Variants in PLCB1 observed in about 807,000 individuals in gnomAD.
PLCB1 encodes the protein 1-phosphatidylinositol 4,5-bisphosphate phosphodiesterase beta-1.
PLCB1 carries 46 observed loss-of-function variants against 161.8 expected under a neutral mutation model. The observed-to-expected ratio is 0.28, with a 90% CI of 0.22 to 0.36. PLCB1 has a LOEUF of 0.36. Among genes scored for constraint, PLCB1 ranks in the 10% least tolerant of loss-of-function variants. The probability of loss-of-function intolerance (pLI) is 1.00; values close to 1 mark genes in which losing one functional copy is unlikely to be tolerated. For missense variants in PLCB1, 1,016 were observed against 1,472.5 expected, an observed-to-expected ratio of 0.69 and a Z score of 5.07; for synonymous variants, 517 against 503.7, an observed-to-expected ratio of 1.03 and a Z score of -0.35.
intron 2 of PLCB1, among the ~76,000 whole-genome samples, chr20:8,171,938 A>G (rs1381337186): frequency 6.6e-6 from 1 of 152,138 alleles, no homozygotes; most frequent in Non-Finnish European, 1.5e-5. Context: ...ACTGCCTCTG[A>G]GTGTTCACTT....
chr20:8,726,544 G>A (rs1044967166), intron 16 of PLCB1, among the ~76,000 whole-genome samples: 2 of 152,076 alleles, frequency 1.3e-5, no homozygotes, highest in African/African-American at 4.8e-5. Context: ...CAGGGCAGCA[G>A]GAGAGAGAAT....
chr20:8,727,573 C>CA (rs1219400886), intron 17 of PLCB1, among the ~76,000 whole-genome samples, 180 bp downstream of exon 17: 6 of 151,926 alleles, frequency 3.9e-5, no homozygotes, highest in Admixed American at 3.3e-4. Flanking sequence ...GCCTATAGAA[C>CA]AAAAAACTGG....
chr20:8,276,926 TTTCTTCTTCTTCTTCTTCTTCTTC>T lies in PLCB1; in HGVS notation c.178-94417_178-94394del, dbSNP rs752434070. On this transcript the variant is annotated intron_variant, in intron 2 of 31. Coordinates refer to ENST00000338037, the MANE Select transcript of PLCB1 (RefSeq NM_015192.4). ...TTGGGTAGCTTCTTCGTCTTCTTCT[TTTCTTCTTCTTCTTCTTCTTCTTC>T]TTCTTCTTCTTCTTCTTCTTCTTCT... 2.1e-3 allele frequency among the ~76,000 whole-genome samples: 218 copies of T among 104,816 alleles called. 1 individual carries two copies. The highest frequency in any genetic ancestry group is 4.2e-3 in the African/African-American group (116 of 27,742). The allele number at this position is 104,816 out of a possible 152,430, so 68.8% of individuals were successfully genotyped here.
intron 16 of PLCB1, among the ~76,000 whole-genome samples, chr20:8,725,612 A>G (rs553924559): frequency 1.3e-5 from 2 of 152,304 alleles, no homozygotes; most frequent in East Asian, 3.9e-4. Context: ...TTCAACTTCC[A>G]AGAGTTTATA....
chr20:8,255,017 A>C (rs1319834382), intron 2 of PLCB1, among the ~76,000 whole-genome samples: 1 of 152,098 alleles, frequency 6.6e-6, no homozygotes, highest in African/African-American at 2.4e-5. Context: ...ACCTGTGGCC[A>C]CTTGCAATGG....
At chr20:8,426,481 G>A (rs180780106) in intron 3 of PLCB1, among the ~76,000 whole-genome samples, 1 of 152,246 alleles carries the variant, frequency 6.6e-6, no homozygotes, top group Admixed American at 6.5e-5. Context: ...TTCCATTGAG[G>A]TTTCAGCTAA....
chr20:8,328,307 A>C (rs1328158089), intron 2 of PLCB1, among the ~76,000 whole-genome samples: 1 of 152,038 alleles, frequency 6.6e-6, no homozygotes, highest in South Asian at 2.1e-4. Context: ...GTCTTGCTGA[A>C]TGCCTTTATC....
In PLCB1 at chr20:8,716,289, G is replaced by C; in HGVS notation, c.1276G>C (p.Glu426Gln). 1 of 1,614,126 alleles carries C rather than the reference G, an allele frequency of 6.2e-7. No homozygotes were observed. The highest frequency in any genetic ancestry group is 8.5e-7 in the Non-Finnish European group (1 of 1,179,960). ...DSPKQQAKMA[E>Q]YCRLIFGDAL... Reference sequence around the variant, plus strand: ...CCCAAAGCAGCAAGCCAAGATGGCGGAGTACTGCCGACTGATCTTTGGGGA... The same window carrying C: ...CCCAAAGCAGCAAGCCAAGATGGCGCAGTACTGCCGACTGATCTTTGGGGA... Residue 426 changes from glutamate (E) to glutamine (Q), a missense_variant, in exon 13 of 32, where the codon GAG (glutamate) becomes CAG (glutamine). Physicochemically the swap from Glu to Gln is conservative, Grantham distance 29 (BLOSUM62 2). This residue lies in a region of PLCB1 where 56 missense variants were observed against 126.3 expected (regional missense o/e 0.44). Coordinates refer to ENST00000338037, the MANE Select transcript of PLCB1 (RefSeq NM_015192.4).
chr20:8,710,093 T>G (rs1167151370), intron 12 of PLCB1, among the ~76,000 whole-genome samples: 1 of 152,138 alleles, frequency 6.6e-6, no homozygotes, highest in Non-Finnish European at 1.5e-5. Context: ...AGAGACTGGG[T>G]AATTTATGAA....
chr20:8,254,095 G>T (rs947237968), intron 2 of PLCB1, among the ~76,000 whole-genome samples: 1 of 151,916 alleles, frequency 6.6e-6, no homozygotes. Flanking sequence ...TAAACAATAT[G>T]TTTGTTATGA....
intron 3 of PLCB1, among the ~76,000 whole-genome samples, chr20:8,390,782 G>A (rs1272660611): frequency 2.0e-5 from 3 of 152,018 alleles, no homozygotes; most frequent in Non-Finnish European, 4.4e-5. Context: ...GTGCCTATAA[G>A]AGTATAGTTA....
At chr20:8,572,716 G>A (rs1986559970) in intron 3 of PLCB1, among the ~76,000 whole-genome samples, 1 of 152,128 alleles carries the variant, frequency 6.6e-6, no homozygotes, top group Admixed American at 6.6e-5. Flanking sequence ...CAAAACACAA[G>A]CTCAAAGATA....
chr20:8,578,125 T>A (rs922197815), intron 3 of PLCB1, among the ~76,000 whole-genome samples: 1 of 152,248 alleles, frequency 6.6e-6, no homozygotes, highest in African/African-American at 2.4e-5. Context: ...CTTCACTGCT[T>A]AATACCTTAT....
At chr20:8,688,318 T>C (rs1029367325) in intron 10 of PLCB1, among the ~76,000 whole-genome samples, 3 of 152,252 alleles carry the variant, frequency 2.0e-5, no homozygotes, top group Admixed American at 2.0e-4. Context: ...TTCCTTTTGC[T>C]GTGCAAAAGC....
chr20:8,281,621 G>T (rs565177787), intron 2 of PLCB1, among the ~76,000 whole-genome samples: 8 of 152,146 alleles, frequency 5.3e-5, no homozygotes, highest in African/African-American at 1.7e-4. Context: ...TGTAACTTTG[G>T]CTTAGAACTT....
chr20:8,331,067 A>T (rs1398152705), intron 2 of PLCB1, among the ~76,000 whole-genome samples: 2 of 152,156 alleles, frequency 1.3e-5, no homozygotes, highest in African/African-American at 4.8e-5. Flanking sequence ...ACACAGACTC[A>T]TGTGTACACA....
intron 10 of PLCB1, among the ~76,000 whole-genome samples, chr20:8,690,822 G>A (rs960619): frequency 7.9e-5 from 12 of 152,136 alleles, no homozygotes; most frequent in Non-Finnish European, 1.8e-4. Flanking sequence ...TCCTCCCATA[G>A]TTATCTTGGC....
At chr20:8,680,946 T>G (rs2123386857) in intron 9 of PLCB1, among the ~76,000 whole-genome samples, 2 of 151,036 alleles carry the variant, frequency 1.3e-5, no homozygotes, top group East Asian at 3.9e-4. Flanking sequence ...CTAGTTTGTG[T>G]TTTTGGTTTT....
chr20:8,433,957 C>T (rs753648353), intron 3 of PLCB1, among the ~76,000 whole-genome samples: 1 of 113,352 alleles, frequency 8.8e-6, no homozygotes, highest in Non-Finnish European at 2.0e-5. Context: ...TTAGTCAACC[C>T]ATTATGTGTT....
Sources: allele counts gnomAD v4.1 joint callset (sites outside exome capture counted in the v4.1 genomes callset), GRCh38; gene constraint gnomAD v4.1.1; regional missense constraint gnomAD v4.1.1; transcripts MANE v1.5; gene names NCBI Gene and HGNC (gene_info 2026-07-23, HGNC 2026-07-21).